CSMD1: variants seen among roughly 807,000 people sequenced by gnomAD.
The protein encoded by CSMD1 is CUB and sushi domain-containing protein 1.
Under a neutral mutation model 417.5 loss-of-function variants are expected in CSMD1, and 213 were observed. The observed-to-expected ratio is 0.51, with a 90% CI of 0.46 to 0.57. The LOEUF (loss-of-function observed/expected upper bound fraction) is 0.57, where lower values mean the gene tolerates loss of function less well. Among genes scored for constraint, CSMD1 ranks in the 20% least tolerant of loss-of-function variants. The pLI, the probability that CSMD1 is intolerant of heterozygous loss-of-function variation, is 0.00. For synonymous variants in CSMD1, 2,862 were observed against 1,736.8 expected (o/e 1.65, Z -16.11); for missense variants, 6,923 against 4,529.7 (o/e 1.53, Z -15.17).
intron 2 of CSMD1, among the ~76,000 whole-genome samples, chr8:4,456,784 G>A (rs1016353555): frequency 1.3e-5 from 2 of 152,010 alleles, no homozygotes; most frequent in African/African-American, 2.4e-5. Flanking sequence ...GACAACCTAC[G>A]AGGTAAGCTG....
chr8:3,421,725 C>A (rs776888397), intron 12 of CSMD1, among the ~76,000 whole-genome samples: 4 of 152,196 alleles, frequency 2.6e-5, no homozygotes, highest in Non-Finnish European at 4.4e-5. Context: ...ACAACCTCCA[C>A]CTCCCAGGTT....
chr8:4,105,557 A>C (rs1801525228), intron 3 of CSMD1, among the ~76,000 whole-genome samples: 1 of 152,192 alleles, frequency 6.6e-6, no homozygotes, highest in Non-Finnish European at 1.5e-5. Context: ...AAAATACGAC[A>C]AATAAGCAAA....
In CSMD1 at chr8:3,110,168, T is replaced by G; in HGVS notation, c.6598A>C (p.Ile2200Leu). Reference protein sequence around the residue: ...LLQTEAVNDYIAVWDGPDQNS... With the variant: ...LLQTEAVNDYLAVWDGPDQNS... ...GAGAGGTTCTCATACCAAACAGCAATGTAATCGTTGACAGCTTCCGTCTGT... is the reference window on the plus strand; with the variant it reads ...GAGAGGTTCTCATACCAAACAGCAAGGTAATCGTTGACAGCTTCCGTCTGT... Residue 2200 changes from isoleucine (I) to leucine (L), a missense_variant, in exon 43 of 70, where the codon ATT (isoleucine) becomes CTT (leucine). By Grantham distance (5) the Ile-to-Leu change is conservative. Coordinates refer to ENST00000635120, the MANE Select transcript of CSMD1 (RefSeq NM_033225.6). 2.5e-6 allele frequency: 4 copies of G among 1,606,802 alleles called. No individual in the cohort carries two copies. Among genetic ancestry groups the G allele is most frequent in the Non-Finnish European group, 2.5e-6 (3 of 1,176,718 alleles).
intron 17 of CSMD1, among the ~76,000 whole-genome samples, chr8:3,393,776 G>A (rs1321794126): frequency 1.3e-5 from 2 of 151,404 alleles, no homozygotes; most frequent in Admixed American, 1.3e-4. Context: ...ACTCATAGGT[G>A]GGAATTGAAC....
At chr8:4,834,624 A>G (rs1800349422) in intron 1 of CSMD1, among the ~76,000 whole-genome samples, 1 of 152,058 alleles carries the variant, frequency 6.6e-6, no homozygotes, top group Non-Finnish European at 1.5e-5. Flanking sequence ...AGAATGGCAG[A>G]GGAAGTAGCT....
chr8:4,625,968 C>G (rs192553995), intron 2 of CSMD1, among the ~76,000 whole-genome samples: 1 of 152,248 alleles, frequency 6.6e-6, no homozygotes, highest in Non-Finnish European at 1.5e-5. Context: ...TAGTGATCTG[C>G]CCGCCTTGGT....
chr8:4,135,334 GA>G (rs1385203601), intron 3 of CSMD1, among the ~76,000 whole-genome samples: 15 of 29,022 alleles, frequency 5.2e-4, no homozygotes, highest in East Asian at 1.9e-3. Flanking sequence ...GAAGGAAGGG[GA>G]AAGAAGGAAG....
chr8:4,863,960 C>T (rs1014383755), intron 1 of CSMD1, among the ~76,000 whole-genome samples: 1 of 151,838 alleles, frequency 6.6e-6, no homozygotes, highest in Non-Finnish European at 1.5e-5. Context: ...AATGTCAAGA[C>T]ATGATTGAAA....
chr8:3,598,843 G>C (rs780874185), intron 8 of CSMD1, among the ~76,000 whole-genome samples: 1 of 152,114 alleles, frequency 6.6e-6, no homozygotes, highest in African/African-American at 2.4e-5. Context: ...AGCACTTTGG[G>C]AGGCCGACAC....
chr8:4,357,129 C>T (rs1180562340), intron 3 of CSMD1, among the ~76,000 whole-genome samples: 1 of 152,070 alleles, frequency 6.6e-6, no homozygotes, highest in Non-Finnish European at 1.5e-5. Flanking sequence ...ATCAAAACCC[C>T]AATTCACTTT....
rs577058967 is a variant in CSMD1 at position 4,056,835 on chromosome 8, T to A, written c.416-24736A>T. On this transcript the variant is annotated intron_variant, in intron 3 of 69. Transcript: ENST00000635120. ...TTTACTGAGAATGATGATTTCCAAT[T>A]TCATCCATGTCCCTACAAAGGACAT... Among the ~76,000 whole-genome samples the A allele has an allele frequency of 2.6e-5, 4 of 152,198 alleles. No individual in the cohort carries two copies. In the South Asian group the frequency reaches 8.3e-4, roughly 32 times the overall value.
At chr8:3,938,143 A>G (rs575088208) in intron 5 of CSMD1, among the ~76,000 whole-genome samples, 43 of 152,298 alleles carry the variant, frequency 2.8e-4, no homozygotes, top group African/African-American at 1.0e-3. Context: ...TAAATATTTT[A>G]TTAATTTCTG....
intron 6 of CSMD1, among the ~76,000 whole-genome samples, chr8:3,721,441 G>A (rs544120342): frequency 1.1e-4 from 16 of 152,094 alleles, no homozygotes; most frequent in Non-Finnish European, 2.2e-4. Flanking sequence ...CAAACAGTTA[G>A]CTGGCACATA....
chr8:4,985,050 T>C (rs1254974637), intron 1 of CSMD1, among the ~76,000 whole-genome samples: 2 of 152,180 alleles, frequency 1.3e-5, no homozygotes, highest in Non-Finnish European at 2.9e-5. Flanking sequence ...AACAAGATCA[T>C]GTCCTTTGCA....
chr8:4,094,981 G>T (rs1279027331), intron 3 of CSMD1, among the ~76,000 whole-genome samples: 1 of 152,142 alleles, frequency 6.6e-6, no homozygotes, highest in Admixed American at 6.5e-5. Context: ...CAATAATATA[G>T]TATTATACAG....
chr8:4,314,655 C>G (rs1798818822), intron 3 of CSMD1, among the ~76,000 whole-genome samples: 1 of 151,900 alleles, frequency 6.6e-6, no homozygotes, highest in South Asian at 2.1e-4. Context: ...TATTACATTA[C>G]CATTTGTGAG....
At chr8:4,947,581 T>C (rs996198540) in intron 1 of CSMD1, among the ~76,000 whole-genome samples, 1 of 152,060 alleles carries the variant, frequency 6.6e-6, no homozygotes, top group Non-Finnish European at 1.5e-5. Context: ...TATGAAAAAT[T>C]TGAAGATTTT....
intron 10 of CSMD1, among the ~76,000 whole-genome samples, chr8:3,529,392 A>G (rs753525545): frequency 2.0e-5 from 3 of 152,150 alleles, no homozygotes; most frequent in Non-Finnish European, 4.4e-5. Flanking sequence ...ATAATTGACT[A>G]TATTGAAGGA....
chr8:4,086,963 G>C (rs1228717672), intron 3 of CSMD1, among the ~76,000 whole-genome samples: 5 of 152,236 alleles, frequency 3.3e-5, no homozygotes, highest in African/African-American at 4.8e-5. Flanking sequence ...TAAATTACCA[G>C]ATTGCTCTGA....
Sources: allele counts gnomAD v4.1 joint callset (sites outside exome capture counted in the v4.1 genomes callset), GRCh38; gene constraint gnomAD v4.1.1; transcripts MANE v1.5; gene names NCBI Gene and HGNC (gene_info 2026-07-23, HGNC 2026-07-21).